The following ZNF90 variants were observed in gnomAD, a reference collection of about 807,000 sequenced individuals.
ZNF90 encodes zinc finger protein HTF9.
A neutral mutation model predicts 12.0 loss-of-function variants in ZNF90; 11 were observed. The ratio of observed to expected loss-of-function variants is 0.92; its 90% CI spans 0.58 to 1.52. The LOEUF (loss-of-function observed/expected upper bound fraction) is 1.52. ZNF90 is among the 40% of genes most tolerant of loss of function. ZNF90 has a pLI of 0.00. For synonymous variants in ZNF90, 232 were observed against 240.1 expected (o/e 0.97, Z 0.31); for missense variants, 765 against 711.5 (o/e 1.08, Z -0.86).
rs782426550 is a variant in ZNF90, at chr19:20,119,385, A to G, written c.*25A>G. 6.5e-7 allele frequency: 1 copy of G among 1,539,682 alleles called. No individual in the cohort carries two copies. The highest frequency in any genetic ancestry group is 8.8e-7 in the Non-Finnish European group (1 of 1,140,286). ...AAATATTCCTCAACCCTTAATAAAC[A>G]TAAGATAATTCATACTGGAGAGAAA... is the stretch of plus-strand genomic sequence containing the variant. On this transcript the variant is annotated 3_prime_UTR_variant, in exon 4 of 4. Coordinates refer to ENST00000418063, the MANE Select transcript of ZNF90 (RefSeq NM_007138.2).
chr19:20,083,148 CTGG>C (rs2088833519), intron 1 of ZNF90, among the ~76,000 whole-genome samples: 1 of 151,688 alleles, frequency 6.6e-6, no homozygotes, highest in Non-Finnish European at 1.5e-5. Context: ...AACTCAGAGA[CTGG>C]TGCCGGTGCC....
rs551922244 is a variant in ZNF90 at position 20,091,728 on chromosome 19, A to G, written c.4-12511A>G. Among the ~76,000 whole-genome samples, 113 of 152,330 alleles carry G rather than the reference A, an allele frequency of 7.4e-4. 1 individual carries two copies. The East Asian group carries it at 0.021, about 29-fold the overall frequency. On this transcript the variant is annotated intron_variant, in intron 1 of 3. Transcript: ENST00000418063. ...TTTATTAAAGAGGCATTAATGATGGAGGACCCTTGTGTAGTGAGGAAACCT... is the reference window on the plus strand; with the variant it reads ...TTTATTAAAGAGGCATTAATGATGGGGGACCCTTGTGTAGTGAGGAAACCT...
At chr19:20,094,804 T>A (rs1477255662) in intron 1 of ZNF90, among the ~76,000 whole-genome samples, 3 of 151,980 alleles carry the variant, frequency 2.0e-5, no homozygotes, top group African/African-American at 7.2e-5. Flanking sequence ...TGGGGTCTGA[T>A]GAGAAAGAGC....
intron 1 of ZNF90, among the ~76,000 whole-genome samples, chr19:20,094,650 G>A (rs1369678807): frequency 5.3e-5 from 8 of 152,142 alleles, no homozygotes; most frequent in Admixed American, 1.3e-4. Flanking sequence ...TCGTGAAGCC[G>A]GCGGTTATCA....
intron 3 of ZNF90, among the ~76,000 whole-genome samples, chr19:20,115,417 G>GT (rs34059055): frequency 0.23 from 30,640 of 133,828 alleles, 3,881 homozygotes; most frequent in East Asian, 0.53. Flanking sequence ...TTTCCTTTCT[G>GT]TTTTTTTTTT....
intron 1 of ZNF90, 97 bp from the exon 2 acceptor site, chr19:20,104,142 A>T (rs2089011190): frequency 6.4e-7 from 1 of 1,552,826 alleles, no homozygotes; most frequent in Non-Finnish European, 8.7e-7. Flanking sequence ...AGTCAGAACC[A>T]ATTCTCTTTA....
intron 1 of ZNF90, among the ~76,000 whole-genome samples, chr19:20,086,059 T>C (rs2088856784): frequency 6.6e-6 from 1 of 152,120 alleles, no homozygotes; most frequent in African/African-American, 2.4e-5. Context: ...AATTATCCAA[T>C]ATTTGCAGGC....
At chr19:20,109,524 G>A (rs1555704813) in intron 3 of ZNF90, among the ~76,000 whole-genome samples, 2 of 151,822 alleles carry the variant, frequency 1.3e-5, no homozygotes, top group African/African-American at 2.4e-5. Context: ...TTCTTTAAAA[G>A]CATTGTTTTA....
At chr19:20,112,444 C>T (rs1555705227) in intron 3 of ZNF90, among the ~76,000 whole-genome samples, 3 of 151,998 alleles carry the variant, frequency 2.0e-5, no homozygotes, top group Non-Finnish European at 2.9e-5. Flanking sequence ...GCCTCAGCGT[C>T]CTGACTAGCT....
intron 1 of ZNF90, among the ~76,000 whole-genome samples, chr19:20,100,844 A>G (rs1251078714): frequency 6.6e-6 from 1 of 152,148 alleles, no homozygotes; most frequent in Non-Finnish European, 1.5e-5. Context: ...TCACGAAAAT[A>G]CCAATTAGAC....
At chr19:20,099,105 ACTTT>A (rs1265131567) in intron 1 of ZNF90, among the ~76,000 whole-genome samples, 1 of 152,166 alleles carries the variant, frequency 6.6e-6, no homozygotes, top group Non-Finnish European at 1.5e-5. Context: ...TATTTAGGCC[ACTTT>A]CTTTATGTTG....
rs377519703 is a variant in ZNF90, at chr19:20,108,819, T to C, written c.226+3503T>C. Among the ~76,000 whole-genome samples the C allele has an allele frequency of 2.6e-5, 4 of 151,194 alleles. No homozygotes were observed. In the East Asian group the frequency reaches 7.8e-4, roughly 29 times the overall value. On this transcript the variant is annotated intron_variant, in intron 3 of 3. Transcript: ENST00000418063. The stretch of plus-strand genomic sequence containing the variant: ...CAATCTCAGCACAATCTCTGCCTTC[T>C]GAGTTCATGCCATTCTTCTGCATCA...
chr19:20,098,110 GT>G lies in ZNF90; in HGVS notation c.4-6122del, dbSNP rs1555703429. On this transcript the variant is annotated intron_variant, in intron 1 of 3. Coordinates refer to ENST00000418063, the MANE Select transcript of ZNF90 (RefSeq NM_007138.2). ...TATATTCACGTTGTGTCAGCTTTTTGTTTTTTTCATGTAGACTTATCATTTA... is the reference window on the plus strand; with the variant it reads ...TATATTCACGTTGTGTCAGCTTTTTGTTTTTTCATGTAGACTTATCATTTA... 3.9e-5 allele frequency among the ~76,000 whole-genome samples: 6 copies of G among 152,034 alleles called. No homozygotes were observed. In the South Asian group the frequency reaches 1.2e-3, roughly 32 times the overall value.
chr19:20,111,734 CTTAAAG>C (rs1415409697), intron 3 of ZNF90, among the ~76,000 whole-genome samples: 1 of 152,026 alleles, frequency 6.6e-6, no homozygotes, highest in African/African-American at 2.4e-5. Context: ...TTACATACAT[CTTAAAG>C]TTAAAACTAT....
intron 1 of ZNF90, among the ~76,000 whole-genome samples, chr19:20,079,303 AG>A (rs2088802764): frequency 7.2e-6 from 1 of 139,850 alleles, no homozygotes; most frequent in African/African-American, 2.9e-5. Context: ...CTGCAAAAGG[AG>A]GGTTTTTTTT....
At chr19:20,111,409 CAG>C (rs782314398) in intron 3 of ZNF90, among the ~76,000 whole-genome samples, 3 of 152,122 alleles carry the variant, frequency 2.0e-5, no homozygotes, top group South Asian at 2.1e-4. Context: ...TTTGTAGAGA[CAG>C]AGTTTTGCCA....
At chr19:20,088,067 G>A (rs976244554) in intron 1 of ZNF90, among the ~76,000 whole-genome samples, 16 of 152,202 alleles carry the variant, frequency 1.1e-4, no homozygotes, top group Non-Finnish European at 1.9e-4. Context: ...AGTTACTTCA[G>A]ACCATCTGGG....
intron 1 of ZNF90, among the ~76,000 whole-genome samples, chr19:20,085,290 C>T (rs1568282330): frequency 3.9e-5 from 2 of 51,632 alleles, no homozygotes; most frequent in African/African-American, 1.5e-4. Context: ...GACGGAGTCT[C>T]GCTCTTTGGC....
At chr19:20,116,804 G>A (rs1157560823) in intron 3 of ZNF90, among the ~76,000 whole-genome samples, 1 of 151,702 alleles carries the variant, frequency 6.6e-6, no homozygotes, top group Admixed American at 6.6e-5. Context: ...CCCTGTTTGG[G>A]GTACTGCAGT....
Sources: gnomAD v4.1 joint callset for allele counts (sites outside exome capture counted in the v4.1 genomes callset) on GRCh38, gnomAD v4.1.1 for gene constraint, MANE v1.5 for transcripts, NCBI Gene and HGNC (gene_info 2026-07-23, HGNC 2026-07-21) for gene names.